Variants in PRKAR2A observed in about 807,000 individuals in gnomAD.
The protein encoded by PRKAR2A is cAMP-dependent protein kinase type II-alpha regulatory subunit.
In PRKAR2A, 29 loss-of-function variants were observed where a neutral mutation model predicts 51.9. That is an observed-to-expected ratio of 0.56 (90% CI 0.42 to 0.76). The LOEUF is 0.76. Ranked by LOEUF, PRKAR2A falls within the 30% of genes least tolerant of loss-of-function variation. The pLI, the probability that PRKAR2A is intolerant of heterozygous loss-of-function variation, is 0.00. For missense variants in PRKAR2A, 445 were observed against 512.1 expected (o/e 0.87, Z 1.26); for synonymous variants, 178 against 186.2 (o/e 0.96, Z 0.36).
At chr3:48,791,582 G>A (rs1317767377) in intron 3 of PRKAR2A, among the ~76,000 whole-genome samples, 16 of 93,018 alleles carry the variant, frequency 1.7e-4, no homozygotes, top group African/African-American at 6.9e-4. Context: ...GACAGAGCAA[G>A]ATTCCGTCTC....
chr3:48,765,519 T>C (rs2081928228), intron 6 of PRKAR2A, among the ~76,000 whole-genome samples, 170 bp from the exon 7 acceptor site: 1 of 152,120 alleles, frequency 6.6e-6, no homozygotes, highest in Admixed American at 6.6e-5. Context: ...ACCTATAGCC[T>C]GAGCCAGCCA....
intron 8 of PRKAR2A, among the ~76,000 whole-genome samples, chr3:48,758,936 C>G (rs2081818928): frequency 6.6e-6 from 1 of 152,108 alleles, no homozygotes; most frequent in Admixed American, 6.6e-5. Flanking sequence ...AGAATGTCAT[C>G]TAGAATACAT....
chr3:48,795,648 T>C (rs1302295847), intron 2 of PRKAR2A, among the ~76,000 whole-genome samples: 2 of 152,214 alleles, frequency 1.3e-5, no homozygotes, highest in Non-Finnish European at 2.9e-5. Flanking sequence ...GTTATTCTCC[T>C]GCCTTAGCCT....
chr3:48,836,811 T>C (rs2083294589), intron 1 of PRKAR2A, among the ~76,000 whole-genome samples: 1 of 148,294 alleles, frequency 6.7e-6, no homozygotes, highest in Non-Finnish European at 1.5e-5. Flanking sequence ...ACCCAATCTC[T>C]ACTAAAAAAA....
intron 6 of PRKAR2A, among the ~76,000 whole-genome samples, chr3:48,768,354 G>T (rs2081973830): frequency 1.3e-5 from 2 of 151,204 alleles, no homozygotes; most frequent in Admixed American, 1.3e-4. Flanking sequence ...TAGACAGACA[G>T]AGAGACAGAC....
At chr3:48,764,228 CA>C (rs1286819091) in intron 8 of PRKAR2A, among the ~76,000 whole-genome samples, 2 of 152,276 alleles carry the variant, frequency 1.3e-5, no homozygotes, top group South Asian at 2.1e-4. Flanking sequence ...ACACAGCGGA[CA>C]AAGAAAATTA....
At chr3:48,798,576 A>T (rs1034423658) in intron 2 of PRKAR2A, among the ~76,000 whole-genome samples, 3 of 151,546 alleles carry the variant, frequency 2.0e-5, no homozygotes, top group Non-Finnish European at 2.9e-5. Context: ...ATAATACATT[A>T]AAAAAAAACT....
intron 1 of PRKAR2A, among the ~76,000 whole-genome samples, chr3:48,827,617 T>C (rs531389658): frequency 6.6e-6 from 1 of 152,224 alleles, no homozygotes; most frequent in African/African-American, 2.4e-5. Context: ...TATCTAAACA[T>C]AGAAAACGTA....
At chr3:48,788,107 T>C (rs911229488) in intron 4 of PRKAR2A, among the ~76,000 whole-genome samples, 2 of 152,184 alleles carry the variant, frequency 1.3e-5, no homozygotes, top group Non-Finnish European at 2.9e-5. Context: ...CTCAGCTCAC[T>C]GCAACCTCCA....
At chr3:48,807,823 TC>T in intron 1 of PRKAR2A, 139 bp from the exon 2 acceptor site, 1 of 626,140 alleles carries the variant, frequency 1.6e-6, no homozygotes, top group Non-Finnish European at 2.9e-6. Context: ...TCTTCCACAC[TC>T]AATCACAAAT....
intron 2 of PRKAR2A, among the ~76,000 whole-genome samples, chr3:48,800,953 A>G (rs1460499909): frequency 2.0e-5 from 3 of 152,046 alleles, no homozygotes. Flanking sequence ...GATTACAGGC[A>G]TGAGCCACCG....
At chr3:48,834,969 CTT>C (rs765924891) in intron 1 of PRKAR2A, among the ~76,000 whole-genome samples, 34 of 131,944 alleles carry the variant, frequency 2.6e-4, no homozygotes, top group African/African-American at 6.1e-4. Context: ...AGGAGGATCA[CTT>C]TTTTTTTTTT....
chr3:48,757,692 G>T (rs568488077), intron 8 of PRKAR2A, among the ~76,000 whole-genome samples: 14 of 152,200 alleles, frequency 9.2e-5, no homozygotes, highest in African/African-American at 2.9e-4. Context: ...GGAGGCTGAG[G>T]GGGGTGGATT....
At chr3:48,839,078 A>G (rs1014473824) in intron 1 of PRKAR2A, among the ~76,000 whole-genome samples, 12 of 152,112 alleles carry the variant, frequency 7.9e-5, no homozygotes, top group African/African-American at 2.9e-4. Flanking sequence ...ACCTGAGGTC[A>G]GGAGTTCAAG....
chr3:48,754,520 C>T (rs2081725606), intron 9 of PRKAR2A, among the ~76,000 whole-genome samples: 1 of 152,006 alleles, frequency 6.6e-6, no homozygotes, highest in Admixed American at 6.6e-5. Flanking sequence ...TGCCTGTAAT[C>T]CCAGCACTTT....
intron 2 of PRKAR2A, among the ~76,000 whole-genome samples, chr3:48,803,087 G>A (rs2082615918): frequency 6.6e-6 from 1 of 152,148 alleles, no homozygotes; most frequent in Admixed American, 6.5e-5. Context: ...GTTTTGAGAA[G>A]GGGAAGGTAT....
At chr3:48,808,770 G>A in intron 1 of PRKAR2A, among the ~76,000 whole-genome samples, 1 of 125,170 alleles carries the variant, frequency 8.0e-6, no homozygotes, top group East Asian at 2.4e-4. Flanking sequence ...ACCCACCTTG[G>A]CCTCCCAAAG....
chr3:48,844,055 C>T (rs1246453575), intron 1 of PRKAR2A, among the ~76,000 whole-genome samples: 2 of 150,542 alleles, frequency 1.3e-5, no homozygotes, highest in African/African-American at 4.9e-5. Flanking sequence ...AGGCAACCTA[C>T]AAAATGGGAG....
rs1421509884 is a variant in PRKAR2A at position 48,746,746 on chromosome 3, C to CA, written c.*4838dup. On this transcript the variant is annotated 3_prime_UTR_variant, in exon 11 of 11. Transcript: ENST00000265563. ...CACAGAGCAAGAATTGATCACGTTT[C>CA]AATCACTTATTCTTCTGAGATTAAA... The CA allele has an allele frequency of 1.3e-5, 2 of 152,160 alleles. No individual in the cohort carries two copies. Among genetic ancestry groups the CA allele is most frequent in the African/African-American group, 4.8e-5 (2 of 41,428 alleles). The allele number at this position is 152,160 out of a possible 1,614,324, so 9.4% of individuals were successfully genotyped here.
Sources: gnomAD v4.1 joint callset for allele counts (sites outside exome capture counted in the v4.1 genomes callset) on GRCh38, gnomAD v4.1.1 for gene constraint, MANE v1.5 for transcripts, NCBI Gene and HGNC (gene_info 2026-07-23, HGNC 2026-07-21) for gene names.